CACNA1C: variants seen among roughly 807,000 people sequenced by gnomAD.
CACNA1C encodes calcium voltage-gated channel subunit alpha1 C.
CACNA1C carries 30 observed loss-of-function variants against 229.0 expected under a neutral mutation model. That is an observed-to-expected ratio of 0.13 (90% CI 0.10 to 0.18). The LOEUF is 0.18. Among genes scored for constraint, CACNA1C ranks in the 10% least tolerant of loss-of-function variants. The probability of loss-of-function intolerance (pLI) is 1.00; values close to 1 mark genes in which losing one functional copy is unlikely to be tolerated. For synonymous variants in CACNA1C, 1,114 were observed against 1,132.5 expected, an observed-to-expected ratio of 0.98 and a Z score of 0.33; for missense variants, 1,658 against 2,845.0, an observed-to-expected ratio of 0.58 and a Z score of 9.49.
chr12:2,611,553 A>G (rs1188493124), intron 28 of CACNA1C, among the ~76,000 whole-genome samples: 1 of 152,012 alleles, frequency 6.6e-6, no homozygotes, highest in African/African-American at 2.4e-5. Flanking sequence ...AGCTGGACGC[A>G]TTCGTTGTCG....
intron 3 of CACNA1C, among the ~76,000 whole-genome samples, chr12:2,229,095 T>C (rs1173845225): frequency 2.6e-5 from 4 of 152,116 alleles, no homozygotes; most frequent in East Asian, 1.9e-4. Flanking sequence ...GAACGGTTGA[T>C]TGGTGGAAAG....
chr12:2,241,935 C>T (rs1239325845), intron 3 of CACNA1C, among the ~76,000 whole-genome samples: 1 of 152,210 alleles, frequency 6.6e-6, no homozygotes, highest in Non-Finnish European at 1.5e-5. Flanking sequence ...ATTTCTCCTG[C>T]TCCCTGGGCT....
chr12:2,400,069 C>G (rs1274762317), intron 3 of CACNA1C, among the ~76,000 whole-genome samples: 1 of 152,192 alleles, frequency 6.6e-6, no homozygotes, highest in Non-Finnish European at 1.5e-5. Flanking sequence ...ATTCCTAAAA[C>G]TATATCACCA....
intron 3 of CACNA1C, among the ~76,000 whole-genome samples, chr12:2,235,596 G>A (rs141681455): frequency 0.011 from 1,677 of 152,270 alleles, 33 homozygotes; most frequent in African/African-American, 0.038. Context: ...GCTTCTCTAC[G>A]TAGACCATCT....
Position 2,651,325 on chromosome 12 carries a change from T to C in CACNA1C, c.3946-315T>C, listed in dbSNP as rs1474030507. The stretch of plus-strand genomic sequence containing the variant: ...GCCTAGAAGATTCCAAAGCCTATGG[T>C]AGTTCCTGATGGAGTCGTCTGTCCT... On this transcript the variant is annotated intron_variant, in intron 31 of 46. Coordinates refer to ENST00000399655, the MANE Select transcript of CACNA1C (RefSeq NM_000719.7). The surrounding 1 kb of genome is among the most constrained non-coding windows in gnomAD (Gnocchi z 5.4). 1 of 485,150 alleles carries C rather than the reference T, an allele frequency of 2.1e-6. No individual in the cohort carries two copies. Among genetic ancestry groups the C allele is most frequent in the East Asian group, 3.3e-5 (1 of 30,342 alleles). 30.1% of individuals were successfully genotyped at this position (485,150 alleles called of 1,614,324 possible). A position where few individuals can be genotyped will look rare whatever the true frequency, so the allele number is the denominator to read the frequency against.
chr12:2,185,303 G>A (rs575442280), intron 3 of CACNA1C, among the ~76,000 whole-genome samples: 15 of 152,234 alleles, frequency 9.9e-5, no homozygotes, highest in East Asian at 1.9e-4. Flanking sequence ...TTCCTGCACC[G>A]CTCCCCACCC....
At position 2,379,827 on chromosome 12, in the gene CACNA1C, C is replaced by A. The variant is rs193090343; in HGVS notation, c.478-69149C>A. On this transcript the variant is annotated intron_variant, in intron 3 of 46. Coordinates refer to ENST00000399655, the MANE Select transcript of CACNA1C (RefSeq NM_000719.7). ...CGGGCGGATCACGAGGTCAGGAGAT[C>A]GAGACCATCCCGGCTAAAACGGTGA... 7.3e-5 allele frequency among the ~76,000 whole-genome samples: 11 copies of A among 151,372 alleles called. No homozygotes were observed. In the East Asian group the frequency reaches 2.1e-3, roughly 29 times the overall value.
At chr12:2,432,301 G>A (rs1372544972) in intron 3 of CACNA1C, among the ~76,000 whole-genome samples, 2 of 152,236 alleles carry the variant, frequency 1.3e-5, no homozygotes, top group Admixed American at 1.3e-4. Context: ...GGGAATGAAA[G>A]TCACTTACTT....
intron 3 of CACNA1C, among the ~76,000 whole-genome samples, chr12:2,331,587 A>G (rs73605765): frequency 0.028 from 4,301 of 152,352 alleles, 133 homozygotes; most frequent in African/African-American, 0.071. Context: ...ATAAGAATCC[A>G]TGAGTCTATA....
At chr12:2,161,834 G>C (rs559896350) in intron 3 of CACNA1C, among the ~76,000 whole-genome samples, 3 of 152,126 alleles carry the variant, frequency 2.0e-5, no homozygotes, top group Admixed American at 6.5e-5. Context: ...GGTGCCTCAG[G>C]GGGCAGAAAT....
chr12:2,287,836 C>G lies in CACNA1C; in HGVS notation c.478-161140C>G, dbSNP rs936946360. On this transcript the variant is annotated intron_variant, in intron 3 of 46. Transcript: ENST00000399655. The surrounding 1 kb of genome is among the most constrained non-coding windows in gnomAD (Gnocchi z 4.6). ...TCCCAGGTGACTCGCTGCTGCTGGC[C>G]TGGGACCACACTTTGGAAATCACGA... Among the ~76,000 whole-genome samples the G allele has an allele frequency of 1.3e-5, 2 of 152,162 alleles. No individual in the cohort carries two copies. The highest frequency in any genetic ancestry group is 4.8e-5 in the African/African-American group (2 of 41,438).
At chr12:2,615,860 G>C (rs986453636) in intron 29 of CACNA1C, among the ~76,000 whole-genome samples, 7 of 152,220 alleles carry the variant, frequency 4.6e-5, no homozygotes, top group Non-Finnish European at 1.0e-4. Context: ...GTGAGAGGCT[G>C]CGCTCCAAGC....
At chr12:2,033,343 A>G (rs1178848760) in intron 1 of CACNA1C, among the ~76,000 whole-genome samples, 1 of 152,094 alleles carries the variant, frequency 6.6e-6, no homozygotes, top group Non-Finnish European at 1.5e-5. Context: ...CTGCAAGTCT[A>G]TCCTGGGATG....
intron 3 of CACNA1C, among the ~76,000 whole-genome samples, chr12:2,190,370 C>T (rs567083001): frequency 2.6e-5 from 4 of 152,312 alleles, no homozygotes; most frequent in South Asian, 2.1e-4. Flanking sequence ...TGCTCATCCC[C>T]GCCCCGCAGT....
intron 3 of CACNA1C, among the ~76,000 whole-genome samples, chr12:2,258,891 A>C (rs903722413): frequency 2.6e-5 from 4 of 152,238 alleles, no homozygotes. Context: ...TCCCTTAAAA[A>C]GTAATCCATT....
chr12:2,089,255 C>G (rs532703033), intron 1 of CACNA1C, among the ~76,000 whole-genome samples: 1 of 152,214 alleles, frequency 6.6e-6, no homozygotes, highest in South Asian at 2.1e-4. Flanking sequence ...TCTGTCCCCC[C>G]GACCCTGAGG....
intron 2 of CACNA1C, 119 bp from the exon 3 acceptor site, chr12:2,120,206 G>A (rs750871338): frequency 7.0e-6 from 5 of 712,892 alleles, no homozygotes; most frequent in South Asian, 4.7e-5. Context: ...CAAGGGGCTT[G>A]GAATGCATTG....
intron 3 of CACNA1C, among the ~76,000 whole-genome samples, chr12:2,166,896 TGCAG>T: frequency 6.6e-6 from 1 of 152,224 alleles, no homozygotes; most frequent in Non-Finnish European, 1.5e-5. Context: ...AGCACATCTC[TGCAG>T]TGCCTGCGCC....
Position 2,557,657 on chromosome 12 carries a change from C to T in CACNA1C, c.1508+680C>T, listed in dbSNP as rs575342528. On this transcript the variant is annotated intron_variant, in intron 11 of 46. Transcript: ENST00000399655. Reference sequence around the variant, plus strand: ...TTCAGACCCTCAGATGTGACTGCTTCCGTGTTACTGCTTTCTCTGCCATTT... The same window carrying T: ...TTCAGACCCTCAGATGTGACTGCTTTCGTGTTACTGCTTTCTCTGCCATTT... Among the ~76,000 whole-genome samples, 4 of 152,350 alleles carry T rather than the reference C, an allele frequency of 2.6e-5. No homozygotes were observed. The East Asian group carries it at 7.7e-4, about 29-fold the overall frequency.
Sources: allele counts gnomAD v4.1 joint callset (sites outside exome capture counted in the v4.1 genomes callset), GRCh38; gene constraint gnomAD v4.1.1; non-coding constraint Gnocchi (gnomAD v3.1); transcripts MANE v1.5; gene names NCBI Gene and HGNC (gene_info 2026-07-23, HGNC 2026-07-21).